The following SNTG1 variants were observed in gnomAD, a reference collection of about 807,000 sequenced individuals.
The protein encoded by SNTG1 is syntrophin gamma 1, also known as gamma-1-syntrophin.
A neutral mutation model predicts 74.7 loss-of-function variants in SNTG1; 39 were observed. The observed-to-expected ratio is 0.52, with a 90% confidence interval of 0.40 to 0.68. The LOEUF is 0.68. Among genes scored for constraint, SNTG1 ranks in the 30% least tolerant of loss-of-function variants. The pLI, the probability that SNTG1 is intolerant of heterozygous loss-of-function variation, is 0.00. For missense variants in SNTG1, 685 were observed against 609.5 expected, an observed-to-expected ratio of 1.12 and a Z score of -1.30; for synonymous variants, 254 against 217.1, an observed-to-expected ratio of 1.17 and a Z score of -1.49.
chr8:50,220,211 C>A (rs973285362), intron 2 of SNTG1, among the ~76,000 whole-genome samples: 2 of 151,920 alleles, frequency 1.3e-5, no homozygotes, highest in African/African-American at 4.8e-5. Flanking sequence ...AAGATAGAAG[C>A]CATCTTTGGG....
chr8:49,976,949 T>C (rs1463077620), intron 1 of SNTG1, among the ~76,000 whole-genome samples: 1 of 152,172 alleles, frequency 6.6e-6, no homozygotes, highest in East Asian at 1.9e-4. Flanking sequence ...TGGGCTTGTC[T>C]CAGTGACCAT....
intron 1 of SNTG1, among the ~76,000 whole-genome samples, chr8:50,141,612 C>T (rs907995597): frequency 6.6e-6 from 1 of 151,990 alleles, no homozygotes; most frequent in Non-Finnish European, 1.5e-5. Context: ...ATCTGAAACA[C>T]ATTAGTTACT....
intron 8 of SNTG1, among the ~76,000 whole-genome samples, chr8:50,493,439 C>A (rs1275260052): frequency 6.6e-6 from 1 of 152,056 alleles, no homozygotes; most frequent in African/African-American, 2.4e-5. Context: ...TATTTAGGTT[C>A]TTTTCCTATT....
chr8:50,586,209 C>A (rs892480969), intron 12 of SNTG1, among the ~76,000 whole-genome samples: 2 of 152,196 alleles, frequency 1.3e-5, no homozygotes, highest in African/African-American at 2.4e-5. Flanking sequence ...AAAGGGAATT[C>A]AAGCTTACTT....
chr8:50,241,688 A>G (rs2086169998), intron 2 of SNTG1, among the ~76,000 whole-genome samples: 1 of 152,180 alleles, frequency 6.6e-6, no homozygotes, highest in Non-Finnish European at 1.5e-5. Context: ...TGTGAAGAGG[A>G]AGTTGCAAAA....
intron 1 of SNTG1, among the ~76,000 whole-genome samples, chr8:50,114,738 G>T (rs546991493): frequency 1.3e-5 from 2 of 152,048 alleles, no homozygotes; most frequent in African/African-American, 4.8e-5. Flanking sequence ...AGATGTGCAC[G>T]CCTGTAGTCC....
intron 1 of SNTG1, among the ~76,000 whole-genome samples, chr8:50,106,536 G>C (rs748444096): frequency 6.6e-6 from 1 of 152,130 alleles, no homozygotes; most frequent in Non-Finnish European, 1.5e-5. Context: ...CAATGATGTT[G>C]ACTGCAGATT....
chr8:50,569,257 C>T (rs368401751), intron 12 of SNTG1, among the ~76,000 whole-genome samples: 5 of 152,076 alleles, frequency 3.3e-5, no homozygotes, highest in Admixed American at 6.6e-5. Flanking sequence ...AGAAAAAGCA[C>T]GGATAGCCAG....
chr8:49,998,800 G>A (rs555606018), intron 1 of SNTG1, among the ~76,000 whole-genome samples: 1 of 152,124 alleles, frequency 6.6e-6, no homozygotes, highest in African/African-American at 2.4e-5. Context: ...CCATTTTTTA[G>A]TTAACTATTT....
chr8:50,661,623 T>G (rs955781580), intron 15 of SNTG1, among the ~76,000 whole-genome samples: 3 of 152,148 alleles, frequency 2.0e-5, no homozygotes, highest in Non-Finnish European at 4.4e-5. Context: ...CATGGTGGTT[T>G]GCTGCACCTA....
intron 15 of SNTG1, among the ~76,000 whole-genome samples, chr8:50,661,759 A>G (rs1474306935): frequency 6.6e-6 from 1 of 152,130 alleles, no homozygotes; most frequent in Non-Finnish European, 1.5e-5. Flanking sequence ...AAATGTTTAC[A>G]TAGGTTAGTG....
intron 12 of SNTG1, among the ~76,000 whole-genome samples, chr8:50,570,591 G>GTTGTTCTTA (rs137977278): frequency 7.7e-6 from 1 of 130,162 alleles, no homozygotes; most frequent in African/African-American, 2.9e-5. Context: ...TATTATTGTT[G>GTTGTTCTTA]TTATTATTAT....
chr8:50,094,367 A>C (rs1465211155), intron 1 of SNTG1, among the ~76,000 whole-genome samples: 2 of 152,182 alleles, frequency 1.3e-5, no homozygotes, highest in Admixed American at 6.6e-5. Context: ...CTGTGCAGCA[A>C]AAGAAACTAT....
At chr8:49,968,908 A>T (rs1811389818) in intron 1 of SNTG1, among the ~76,000 whole-genome samples, 1 of 152,184 alleles carries the variant, frequency 6.6e-6, no homozygotes, top group African/African-American at 2.4e-5. Flanking sequence ...GCAAAGGGCG[A>T]TACTGAGGCA....
At chr8:50,321,066 G>T (rs953673747) in intron 2 of SNTG1, among the ~76,000 whole-genome samples, 2 of 152,064 alleles carry the variant, frequency 1.3e-5, no homozygotes, top group African/African-American at 4.8e-5. Context: ...TTATAGCACA[G>T]ATTAAGTCTG....
At chr8:50,051,182 T>C (rs1235804656) in intron 1 of SNTG1, among the ~76,000 whole-genome samples, 2 of 151,158 alleles carry the variant, frequency 1.3e-5, no homozygotes, top group Non-Finnish European at 2.9e-5. Flanking sequence ...CATACTTATT[T>C]TGGAAAGTAA....
intron 13 of SNTG1, among the ~76,000 whole-genome samples, chr8:50,634,292 T>C (rs982724740): frequency 1.8e-4 from 27 of 152,216 alleles, no homozygotes; most frequent in African/African-American, 6.5e-4. Flanking sequence ...AAGCCTCCTT[T>C]TCTGTGGGGC....
intron 1 of SNTG1, among the ~76,000 whole-genome samples, chr8:49,968,526 C>T (rs565098508): frequency 5.6e-4 from 85 of 152,120 alleles, no homozygotes; most frequent in African/African-American, 1.7e-3. Flanking sequence ...AGATGCAATA[C>T]TGAAAGGATA....
Position 50,649,794 on chromosome 8 carries a change from T to C in SNTG1, c.850-7115T>C, listed in dbSNP as rs2095133443. Among the ~76,000 whole-genome samples, 7 of 152,128 alleles carry C rather than the reference T, an allele frequency of 4.6e-5. No individual in the cohort carries two copies. The South Asian group carries it at 1.4e-3, about 32-fold the overall frequency. On this transcript the variant is annotated intron_variant, in intron 13 of 18. Transcript: ENST00000642720. ...AGTCTATTATTATCTTATTTTTAAA[T>C]TTCTATTTTTTACTATTAATTTAGG...
Sources: allele counts gnomAD v4.1 joint callset (sites outside exome capture counted in the v4.1 genomes callset), GRCh38; gene constraint gnomAD v4.1.1; transcripts MANE v1.5; gene names NCBI Gene and HGNC (gene_info 2026-07-23, HGNC 2026-07-21).